The following UVRAG variants were observed in gnomAD, a reference collection of about 807,000 sequenced individuals.
The protein encoded by UVRAG is UV radiation resistance associated, also known as UV radiation resistance-associated gene protein.
A neutral mutation model predicts 78.0 loss-of-function variants in UVRAG; 19 were observed. The observed-to-expected ratio is 0.24, with a 90% CI of 0.17 to 0.36. UVRAG has a LOEUF of 0.36. Among genes scored for constraint, UVRAG ranks in the 10% least tolerant of loss-of-function variants. The probability of loss-of-function intolerance (pLI) is 1.00; values close to 1 mark genes in which losing one functional copy is unlikely to be tolerated. For synonymous variants in UVRAG, 323 were observed against 324.6 expected (o/e 1.00, Z 0.05); for missense variants, 740 against 853.8 (o/e 0.87, Z 1.66).
chr11:76,121,420 T>C (rs192626216), intron 14 of UVRAG, among the ~76,000 whole-genome samples: 35 of 152,346 alleles, frequency 2.3e-4, no homozygotes, highest in African/African-American at 8.2e-4. Flanking sequence ...GTCACCAGAA[T>C]GTCATTTAAA....
chr11:76,093,531 A>C (rs536682803), intron 13 of UVRAG, among the ~76,000 whole-genome samples: 1 of 152,132 alleles, frequency 6.6e-6, no homozygotes, highest in Non-Finnish European at 1.5e-5. Context: ...TCTTTTATTT[A>C]ATTGAGCAAT....
intron 7 of UVRAG, among the ~76,000 whole-genome samples, chr11:75,982,581 A>T (rs1949414874): frequency 6.6e-6 from 1 of 152,150 alleles, no homozygotes; most frequent in African/African-American, 2.4e-5. Context: ...TAGTTACCAC[A>T]TGGGACTCGT....
intron 13 of UVRAG, among the ~76,000 whole-genome samples, chr11:76,084,410 T>C (rs1008909991): frequency 6.6e-6 from 1 of 152,306 alleles, no homozygotes; most frequent in Admixed American, 6.5e-5. Flanking sequence ...TGTTAAGAAA[T>C]GGAAGATGTG....
chr11:75,955,250 A>G (rs1039628887), intron 6 of UVRAG, among the ~76,000 whole-genome samples: 2 of 152,166 alleles, frequency 1.3e-5, no homozygotes, highest in Non-Finnish European at 2.9e-5. Context: ...AATCTCCTCT[A>G]TTGGATTCCT....
At chr11:75,891,266 T>G (rs1054287965) in intron 5 of UVRAG, among the ~76,000 whole-genome samples, 1 of 152,190 alleles carries the variant, frequency 6.6e-6, no homozygotes, top group Non-Finnish European at 1.5e-5. Context: ...CCACAGTTTT[T>G]GGGGTATGCA....
rs536601355 is a variant in UVRAG at position 75,833,817 on chromosome 11, G to A, written c.118-18066G>A. Among the ~76,000 whole-genome samples, 3 of 152,350 alleles carry A rather than the reference G, an allele frequency of 2.0e-5. No individual in the cohort carries two copies. The South Asian group carries it at 6.2e-4, about 32-fold the overall frequency. On this transcript the variant is annotated intron_variant, in intron 1 of 14. Coordinates refer to ENST00000356136, the MANE Select transcript of UVRAG (RefSeq NM_003369.4). ...ATCTGCAGCAGGAGCATGTCCTTAAGGCACAGATCGCTCATGTTATTGTTT... is the reference window on the plus strand; with the variant it reads ...ATCTGCAGCAGGAGCATGTCCTTAAAGCACAGATCGCTCATGTTATTGTTT...
chr11:75,977,187 G>C (rs558250051), intron 7 of UVRAG, among the ~76,000 whole-genome samples: 3 of 152,290 alleles, frequency 2.0e-5, no homozygotes, highest in African/African-American at 4.8e-5. Flanking sequence ...TTTTGAGTGA[G>C]TTTCTTAATC....
intron 13 of UVRAG, among the ~76,000 whole-genome samples, chr11:76,082,539 C>CAAAAAAA (rs5792708): frequency 9.8e-6 from 1 of 101,694 alleles, no homozygotes; most frequent in Non-Finnish European, 1.8e-5. Flanking sequence ...GACTCCGTCC[C>CAAAAAAA]AAAAAAAAAA....
chr11:75,873,918 C>T (rs774055569), intron 3 of UVRAG, among the ~76,000 whole-genome samples: 2 of 152,198 alleles, frequency 1.3e-5, no homozygotes, highest in Non-Finnish European at 2.9e-5. Flanking sequence ...GTTTTCTCAG[C>T]GTCCTCGGTG....
At chr11:75,971,178 A>T (rs973069455) in intron 7 of UVRAG, among the ~76,000 whole-genome samples, 2 of 152,158 alleles carry the variant, frequency 1.3e-5, no homozygotes, top group Non-Finnish European at 2.9e-5. Context: ...TGATGGGTTG[A>T]TAGCTCATTT....
At chr11:75,957,626 G>A (rs976604587) in intron 6 of UVRAG, among the ~76,000 whole-genome samples, 4 of 152,038 alleles carry the variant, frequency 2.6e-5, no homozygotes, top group African/African-American at 7.2e-5. Flanking sequence ...ACCCATTTGG[G>A]AAAAGCTGAC....
intron 13 of UVRAG, among the ~76,000 whole-genome samples, chr11:76,075,997 T>C (rs906003902): frequency 3.3e-5 from 5 of 152,228 alleles, no homozygotes; most frequent in African/African-American, 1.2e-4. Flanking sequence ...ATTTACGAGT[T>C]GATAGACTTT....
At chr11:76,104,418 C>T (rs556432023) in intron 13 of UVRAG, among the ~76,000 whole-genome samples, 15 of 152,272 alleles carry the variant, frequency 9.9e-5, no homozygotes, top group African/African-American at 2.9e-4. Flanking sequence ...CTCTACCTCA[C>T]GGTTTCTTTA....
At chr11:75,911,591 G>A (rs754650229) in intron 5 of UVRAG, 36 of 176,490 alleles carry the variant, frequency 2.0e-4, no homozygotes, top group Non-Finnish European at 3.6e-4. Context: ...AGCGTTGGGC[G>A]ACATGTCCAA....
intron 12 of UVRAG, among the ~76,000 whole-genome samples, chr11:76,022,374 G>A (rs6592621): frequency 0.19 from 28,241 of 151,946 alleles, 4,558 homozygotes; most frequent in African/African-American, 0.43. Context: ...TTTATGACTG[G>A]GAATAGAGTA....
intron 12 of UVRAG, among the ~76,000 whole-genome samples, chr11:76,049,504 C>T (rs947807748): frequency 2.6e-5 from 4 of 152,016 alleles, no homozygotes; most frequent in African/African-American, 9.7e-5. Flanking sequence ...GAGAAGAAAT[C>T]CCTTAGTTTT....
intron 7 of UVRAG, among the ~76,000 whole-genome samples, chr11:75,965,362 A>T (rs1948999569): frequency 6.6e-6 from 1 of 152,180 alleles, no homozygotes; most frequent in African/African-American, 2.4e-5. Context: ...CCCAGGCTAG[A>T]GTGCAGTGGC....
intron 8 of UVRAG, among the ~76,000 whole-genome samples, chr11:76,000,265 G>C (rs1949786932): frequency 6.6e-6 from 1 of 152,090 alleles, no homozygotes; most frequent in Non-Finnish European, 1.5e-5. Context: ...CAAAAAACAA[G>C]ACCCAAATAA....
chr11:75,858,785 G>C (rs1946350559), intron 2 of UVRAG, among the ~76,000 whole-genome samples: 1 of 152,144 alleles, frequency 6.6e-6, no homozygotes, highest in African/African-American at 2.4e-5. Flanking sequence ...ACCCTGTTAG[G>C]TGAAAAATAA....
Sources: gnomAD v4.1 joint callset for allele counts (sites outside exome capture counted in the v4.1 genomes callset) on GRCh38, gnomAD v4.1.1 for gene constraint, MANE v1.5 for transcripts, NCBI Gene and HGNC (gene_info 2026-07-23, HGNC 2026-07-21) for gene names.